MROH9: variants seen among roughly 807,000 people sequenced by gnomAD.
The protein encoded by MROH9 is maestro heat-like repeat-containing protein family member 9.
In MROH9, 92 loss-of-function variants were observed where a neutral mutation model predicts 98.2. That is an observed-to-expected ratio of 0.94 (90% CI 0.79 to 1.11). The LOEUF (loss-of-function observed/expected upper bound fraction) is 1.11, where lower values mean the gene tolerates loss of function less well. Ranked by LOEUF, MROH9 falls within the 50% of genes most tolerant of loss-of-function variation. The pLI is 0.00. For synonymous variants in MROH9, 397 were observed against 368.9 expected (o/e 1.08, Z -0.87); for missense variants, 1,057 against 1,014.8 (o/e 1.04, Z -0.57).
intron 12 of MROH9, 137 bp downstream of exon 12, chr1:170,992,466 TTGAG>T (rs1299491934): frequency 3.4e-5 from 30 of 883,026 alleles, no homozygotes; most frequent in Non-Finnish European, 4.6e-5. Flanking sequence ...CACATATTTA[TTGAG>T]TGTCTATTAT....
At chr1:170,990,961 T>G (rs1651333439) in intron 11 of MROH9, among the ~76,000 whole-genome samples, 1 of 152,184 alleles carries the variant, frequency 6.6e-6, no homozygotes, top group African/African-American at 2.4e-5. Context: ...TCACAAAGTA[T>G]TTTACTATTC....
intron 15 of MROH9, among the ~76,000 whole-genome samples, chr1:171,013,638 A>G (rs1412558470): frequency 6.6e-6 from 1 of 152,164 alleles, no homozygotes; most frequent in Non-Finnish European, 1.5e-5. Flanking sequence ...AGTACATAGT[A>G]TAGTATCAGT....
rs759800504 is a variant in MROH9 at position 170,990,002 on chromosome 1, G to A, written c.1027G>A (p.Asp343Asn). ...TATGGACTACCCAGTTCCAGCAGAC[G>A]AGTAAGGCCCCCCAACCCTCTGTCC... is the stretch of plus-strand genomic sequence containing the variant. ...QLMDYPVPADDTLIQMWKAAC... is the reference protein window; with the variant it reads ...QLMDYPVPADNTLIQMWKAAC... The change falls in exon 11 of 22, where the codon GAC becomes AAC. Residue 343 changes from aspartate (D) to asparagine (N), a missense_variant and splice_region_variant. Coordinates refer to ENST00000367759, the MANE Select transcript of MROH9 (RefSeq NM_001163629.2). 8 of 1,609,368 alleles carry A rather than the reference G, an allele frequency of 5.0e-6. No individual in the cohort carries two copies. Among genetic ancestry groups the A allele is most frequent in the East Asian group, 4.5e-5 (2 of 44,742 alleles).
intron 10 of MROH9, among the ~76,000 whole-genome samples, chr1:170,987,675 A>G (rs974811359): frequency 6.6e-6 from 1 of 152,220 alleles, no homozygotes; most frequent in African/African-American, 2.4e-5. Context: ...CACCAAAATA[A>G]TGCTATTTGT....
In MROH9 at chr1:170,995,422, G is replaced by C; in HGVS notation, c.1228G>C (p.Gly410Arg). ...GGCCCTGTGCACCTTTCTGCCTCTT[G>C]GTTCCTACAGGAAAGCGGTGGCCCA... Reference protein sequence around the residue: ...CQALCTFLPLGSYRKAVAQYF... With the variant: ...CQALCTFLPLRSYRKAVAQYF... The change falls in exon 13 of 22, where the codon GGT becomes CGT. Residue 410 changes from glycine to arginine, a missense_variant. Coordinates refer to ENST00000367759, the MANE Select transcript of MROH9 (RefSeq NM_001163629.2). 1 of 1,613,326 alleles carries C rather than the reference G, an allele frequency of 6.2e-7. No homozygotes were observed. The highest frequency in any genetic ancestry group is 8.5e-7 in the Non-Finnish European group (1 of 1,179,558).
chr1:171,054,451 C>G (rs940264991), intron 20 of MROH9, among the ~76,000 whole-genome samples: 3 of 152,146 alleles, frequency 2.0e-5, no homozygotes, highest in Non-Finnish European at 4.4e-5. Flanking sequence ...ATCAGAAAAA[C>G]CTTTCTAGGC....
At chr1:170,958,810 A>G (rs1344131382) in intron 4 of MROH9, among the ~76,000 whole-genome samples, 1 of 152,138 alleles carries the variant, frequency 6.6e-6, no homozygotes, top group East Asian at 1.9e-4. Flanking sequence ...TGAAAAACAT[A>G]TTATCATTGA....
At chr1:170,944,465 T>C (rs1649244024) in intron 1 of MROH9, among the ~76,000 whole-genome samples, 1 of 152,062 alleles carries the variant, frequency 6.6e-6, no homozygotes, top group African/African-American at 2.4e-5. Flanking sequence ...ATTGAACTTA[T>C]GTACAAAGAG....
At chr1:171,000,911 C>A (rs1651761181) in intron 15 of MROH9, among the ~76,000 whole-genome samples, 1 of 151,852 alleles carries the variant, frequency 6.6e-6, no homozygotes, top group Non-Finnish European at 1.5e-5. Context: ...CCGTTTCAAT[C>A]TCTCTGCTTG....
chr1:170,987,052 TA>T (rs71659446), intron 10 of MROH9, among the ~76,000 whole-genome samples: 26,515 of 151,952 alleles, frequency 0.17, 2,765 homozygotes, highest in African/African-American at 0.29. Context: ...ATGGAGGTCT[TA>T]ACTATGTTGC....
At chr1:171,016,489 C>CTT (rs563443751) in intron 17 of MROH9, among the ~76,000 whole-genome samples, 153 bp downstream of exon 17, 11 of 145,588 alleles carry the variant, frequency 7.6e-5, no homozygotes, top group Non-Finnish European at 7.6e-5. Flanking sequence ...AAGTACTGGT[C>CTT]TTTTTTTTTT....
At chr1:171,043,123 C>G (rs1036110854) in intron 20 of MROH9, among the ~76,000 whole-genome samples, 3 of 151,978 alleles carry the variant, frequency 2.0e-5, no homozygotes, top group African/African-American at 7.2e-5. Context: ...TTTTGAGGTC[C>G]TAGATTTAAG....
At chr1:170,965,994 T>G (rs1373502136) in intron 7 of MROH9, among the ~76,000 whole-genome samples, 1 of 152,104 alleles carries the variant, frequency 6.6e-6, no homozygotes, top group Non-Finnish European at 1.5e-5. Flanking sequence ...TATTTTTCAG[T>G]TGATGGACAT....
chr1:171,013,094 G>C (rs372026832), intron 15 of MROH9, among the ~76,000 whole-genome samples: 1 of 152,040 alleles, frequency 6.6e-6, no homozygotes. Flanking sequence ...ATCCTTGAAG[G>C]TCTCCTCTCT....
intron 9 of MROH9, among the ~76,000 whole-genome samples, chr1:170,986,115 T>C (rs1040892002): frequency 6.6e-6 from 1 of 152,204 alleles, no homozygotes; most frequent in Non-Finnish European, 1.5e-5. Flanking sequence ...ACCTTGATCA[T>C]GGACATAAAG....
At chr1:171,001,898 T>A in intron 15 of MROH9, among the ~76,000 whole-genome samples, 1 of 152,262 alleles carries the variant, frequency 6.6e-6, no homozygotes, top group Middle Eastern at 3.4e-3. Flanking sequence ...CTATTAGTAA[T>A]TGTTTTATAA....
chr1:171,025,101 C>T (rs889262041), intron 19 of MROH9, among the ~76,000 whole-genome samples: 5 of 152,076 alleles, frequency 3.3e-5, no homozygotes, highest in African/African-American at 9.7e-5. Context: ...TCCTCTGAAA[C>T]CCAGCATGAA....
At position 171,064,501 on chromosome 1, in the gene MROH9, C is replaced by T. The variant is rs908132357; in HGVS notation, c.*161C>T. Reference sequence around the variant, plus strand: ...ATTCTGGAAGCTTTTACTGTTACTTCTTAATTCTCTATTCAAATATAGAAA... The same window carrying T: ...ATTCTGGAAGCTTTTACTGTTACTTTTTAATTCTCTATTCAAATATAGAAA... On this transcript the variant is annotated 3_prime_UTR_variant, in exon 22 of 22. Transcript: ENST00000367759. 2 of 629,246 alleles carry T rather than the reference C, an allele frequency of 3.2e-6. No homozygotes were observed. Among genetic ancestry groups the T allele is most frequent in the Non-Finnish European group, 5.1e-6 (2 of 391,114 alleles). 39.0% of individuals were successfully genotyped at this position (629,246 alleles called of 1,614,324 possible).
At chr1:170,982,525 A>AT (rs1291777957) in intron 8 of MROH9, among the ~76,000 whole-genome samples, 7 of 151,922 alleles carry the variant, frequency 4.6e-5, no homozygotes, top group African/African-American at 7.3e-5. Context: ...AGATATGTTC[A>AT]TTTTTTTTCC....
Sources: allele counts gnomAD v4.1 joint callset (sites outside exome capture counted in the v4.1 genomes callset), GRCh38; gene constraint gnomAD v4.1.1; transcripts MANE v1.5; gene names NCBI Gene and HGNC (gene_info 2026-07-23, HGNC 2026-07-21).